CSMD1: variants seen among roughly 807,000 people sequenced by gnomAD.
CSMD1 encodes CUB and sushi domain-containing protein 1.
In CSMD1, 213 loss-of-function variants were observed where a neutral mutation model predicts 417.5. The observed-to-expected ratio is 0.51, with a 90% CI of 0.46 to 0.57. The LOEUF (loss-of-function observed/expected upper bound fraction) is 0.57, where lower values mean the gene tolerates loss of function less well. CSMD1 is among the 20% of genes least tolerant of loss of function. The pLI, the probability that CSMD1 is intolerant of heterozygous loss-of-function variation, is 0.00. For missense variants in CSMD1, 6,923 were observed against 4,529.7 expected (o/e 1.53, Z -15.17); for synonymous variants, 2,862 against 1,736.8 (o/e 1.65, Z -16.11).
At chr8:4,460,288 G>A (rs556958564) in intron 2 of CSMD1, among the ~76,000 whole-genome samples, 4 of 152,040 alleles carry the variant, frequency 2.6e-5, no homozygotes, top group Middle Eastern at 3.4e-3. Flanking sequence ...TAATATGAAC[G>A]AAAATGGAGA....
chr8:3,380,069 G>C (rs1217161250), intron 18 of CSMD1, among the ~76,000 whole-genome samples: 1 of 152,168 alleles, frequency 6.6e-6, no homozygotes, highest in Non-Finnish European at 1.5e-5. Flanking sequence ...CCATCAAAAA[G>C]TGGGTGAAGG....
chr8:4,103,274 T>TATATAA (rs61233835), intron 3 of CSMD1, among the ~76,000 whole-genome samples: 7 of 148,842 alleles, frequency 4.7e-5, no homozygotes, highest in African/African-American at 1.7e-4. Context: ...ATTATATATA[T>TATATAA]CATACTGAAA....
At chr8:2,977,405 A>G (rs1805019047) in intron 55 of CSMD1, among the ~76,000 whole-genome samples, 1 of 152,200 alleles carries the variant, frequency 6.6e-6, no homozygotes, top group South Asian at 2.1e-4. Context: ...TCCAAGCTCC[A>G]TCCATGTCTC....
chr8:3,413,664 G>A (rs1812953592), intron 12 of CSMD1, among the ~76,000 whole-genome samples: 1 of 152,178 alleles, frequency 6.6e-6, no homozygotes, highest in African/African-American at 2.4e-5. Flanking sequence ...TACACACTGA[G>A]TGTCACTACT....
chr8:4,916,376 G>C (rs1266948245), intron 1 of CSMD1, among the ~76,000 whole-genome samples: 2 of 152,296 alleles, frequency 1.3e-5, no homozygotes, highest in East Asian at 1.9e-4. Context: ...AAGTATTCTG[G>C]TTATAGATTC....
chr8:3,882,566 T>C (rs149104705), intron 5 of CSMD1, among the ~76,000 whole-genome samples: 25 of 152,308 alleles, frequency 1.6e-4, no homozygotes, highest in African/African-American at 3.6e-4. Flanking sequence ...ATATACCCAA[T>C]ATTCACCCAA....
At chr8:2,947,154 T>C (rs1358218947) in intron 68 of CSMD1, among the ~76,000 whole-genome samples, 1 of 152,244 alleles carries the variant, frequency 6.6e-6, no homozygotes, top group African/African-American at 2.4e-5. Flanking sequence ...ATGTATTTTC[T>C]CTCATTCTTT....
At chr8:4,040,335 G>T (rs967305048) in intron 3 of CSMD1, among the ~76,000 whole-genome samples, 1 of 152,148 alleles carries the variant, frequency 6.6e-6, no homozygotes, top group Non-Finnish European at 1.5e-5. Flanking sequence ...GTATGTATCA[G>T]TAAGTACTAT....
intron 3 of CSMD1, among the ~76,000 whole-genome samples, chr8:4,232,844 T>C (rs925541228): frequency 6.6e-6 from 1 of 152,102 alleles, no homozygotes; most frequent in Non-Finnish European, 1.5e-5. Flanking sequence ...TATTTATTTA[T>C]TTATATATTT....
chr8:3,895,352 T>G (rs779177464), intron 5 of CSMD1, among the ~76,000 whole-genome samples: 26 of 152,168 alleles, frequency 1.7e-4, no homozygotes, highest in Non-Finnish European at 3.1e-4. Flanking sequence ...CTGAGACAAT[T>G]TATAACACAA....
At chr8:2,942,334 A>T (rs986962624) in intron 69 of CSMD1, 138 bp downstream of exon 69, 8 of 808,764 alleles carry the variant, frequency 9.9e-6, no homozygotes, top group Non-Finnish European at 1.5e-5. Flanking sequence ...TCAAAATAAA[A>T]GTTGATTTAA....
intron 3 of CSMD1, among the ~76,000 whole-genome samples, chr8:4,247,086 T>G (rs1802759766): frequency 6.6e-6 from 1 of 152,188 alleles, no homozygotes; most frequent in African/African-American, 2.4e-5. Context: ...CCCCATGGGT[T>G]GTACGGTCTA....
chr8:3,511,564 G>A (rs1196952614), intron 10 of CSMD1, among the ~76,000 whole-genome samples: 3 of 151,290 alleles, frequency 2.0e-5, no homozygotes, highest in East Asian at 1.9e-4. Context: ...AGATCAGCCC[G>A]GCCAAAATGG....
chr8:3,662,176 G>A (rs951599926), intron 7 of CSMD1, among the ~76,000 whole-genome samples: 1 of 152,154 alleles, frequency 6.6e-6, no homozygotes, highest in Admixed American at 6.5e-5. Context: ...CAAGGAAAAG[G>A]TGTAAACATA....
intron 7 of CSMD1, among the ~76,000 whole-genome samples, chr8:3,684,558 T>A (rs990946212): frequency 6.6e-6 from 1 of 151,186 alleles, no homozygotes; most frequent in Admixed American, 6.6e-5. Context: ...TCTTTCTATA[T>A]CATCATTGTT....
At position 4,623,983 on chromosome 8, in the gene CSMD1, G is replaced by C. The variant is rs1801940647; in HGVS notation, c.302+13359C>G. 1.3e-5 allele frequency among the ~76,000 whole-genome samples: 2 copies of C among 152,026 alleles called. 1 individual carries two copies. The highest frequency in any genetic ancestry group is 4.8e-5 in the African/African-American group (2 of 41,376). ...AATTTTCAATATCTGCACTTTATTGGTTACTAAATATACCTTTAAATGTGA... is the reference window on the plus strand; with the variant it reads ...AATTTTCAATATCTGCACTTTATTGCTTACTAAATATACCTTTAAATGTGA... On this transcript the variant is annotated intron_variant, in intron 2 of 69. Transcript: ENST00000635120.
intron 3 of CSMD1, among the ~76,000 whole-genome samples, chr8:4,406,231 C>A (rs1387232410): frequency 6.6e-6 from 1 of 151,988 alleles, no homozygotes; most frequent in Admixed American, 6.6e-5. Context: ...AAAGTCCCCC[C>A]AAATGGTGCA....
At chr8:4,939,812 C>CA (rs1175529633) in intron 1 of CSMD1, among the ~76,000 whole-genome samples, 2 of 151,874 alleles carry the variant, frequency 1.3e-5, no homozygotes, top group Non-Finnish European at 2.9e-5. Flanking sequence ...GTTCTCATCA[C>CA]AAAAAAGAAT....
At chr8:3,299,373 A>C (rs1804212250) in intron 25 of CSMD1, among the ~76,000 whole-genome samples, 1 of 151,766 alleles carries the variant, frequency 6.6e-6, no homozygotes, top group South Asian at 2.1e-4. Context: ...CATTGCTTGA[A>C]CTCTGGAGGT....
Sources: allele counts gnomAD v4.1 joint callset (sites outside exome capture counted in the v4.1 genomes callset), GRCh38; gene constraint gnomAD v4.1.1; transcripts MANE v1.5; gene names NCBI Gene and HGNC (gene_info 2026-07-23, HGNC 2026-07-21).